ELAVL2: variants seen among roughly 807,000 people sequenced by gnomAD.
The protein encoded by ELAVL2 is ELAV like RNA binding protein 2.
A neutral mutation model predicts 34.6 loss-of-function variants in ELAVL2; 4 were observed. The ratio of observed to expected loss-of-function variants is 0.12; its 90% CI spans 0.06 to 0.26. The LOEUF (loss-of-function observed/expected upper bound fraction) is 0.26, where lower values mean the gene tolerates loss of function less well. Among genes scored for constraint, ELAVL2 ranks in the 10% least tolerant of loss-of-function variants. The probability of loss-of-function intolerance (pLI) is 1.00; values close to 1 mark genes in which losing one functional copy is unlikely to be tolerated. For missense variants in ELAVL2, 432 were observed against 442.8 expected (o/e 0.98, Z 0.22); for synonymous variants, 193 against 154.8 (o/e 1.25, Z -1.83).
intron 1 of ELAVL2, among the ~76,000 whole-genome samples, chr9:23,801,526 A>G (rs757684950): frequency 8.5e-5 from 13 of 152,198 alleles, no homozygotes; most frequent in Non-Finnish European, 1.0e-4. Flanking sequence ...CAGAAATCCC[A>G]GAGTATCAAT....
chr9:23,764,378 G>T (rs951198958), intron 1 of ELAVL2, among the ~76,000 whole-genome samples: 21 of 152,182 alleles, frequency 1.4e-4, no homozygotes, highest in Non-Finnish European at 3.1e-4. Context: ...TGGCAAGAAT[G>T]AGCTCCTAAG....
At chr9:23,766,614 C>A (rs2056310664) in intron 1 of ELAVL2, among the ~76,000 whole-genome samples, 1 of 152,132 alleles carries the variant, frequency 6.6e-6, no homozygotes, top group African/African-American at 2.4e-5. Context: ...ATTGCACCAA[C>A]TAGATAGGAA....
intron 3 of ELAVL2, among the ~76,000 whole-genome samples, chr9:23,714,436 G>A (rs556972303): frequency 6.6e-6 from 1 of 152,314 alleles, no homozygotes; most frequent in South Asian, 2.1e-4. Flanking sequence ...GCAGATGAGT[G>A]TGCTGGGAAG....
At chr9:23,714,675 T>C (rs2041853326) in intron 3 of ELAVL2, among the ~76,000 whole-genome samples, 1 of 152,178 alleles carries the variant, frequency 6.6e-6, no homozygotes, top group Non-Finnish European at 1.5e-5. Flanking sequence ...TAGACAGTAG[T>C]AGAAATATAA....
chr9:23,848,921 C>G, the ELAVL2 span, among the ~76,000 whole-genome samples: 2 of 152,188 alleles, frequency 1.3e-5, no homozygotes, highest in African/African-American at 4.8e-5. Context: ...CATCCCAGTT[C>G]TCTCCATGGC....
At chr9:23,758,914 A>G (rs532587104) in intron 2 of ELAVL2, among the ~76,000 whole-genome samples, 147 of 152,188 alleles carry the variant, frequency 9.7e-4, no homozygotes, top group African/African-American at 3.3e-3. Context: ...CTAGTATCTC[A>G]CCAAATGAAG....
At chr9:23,696,429 T>C (rs143516313) in intron 5 of ELAVL2, among the ~76,000 whole-genome samples, 1 of 152,146 alleles carries the variant, frequency 6.6e-6, no homozygotes, top group Non-Finnish European at 1.5e-5. Context: ...CCTAGAAATA[T>C]GTCTGCTGGG....
intron 3 of ELAVL2, among the ~76,000 whole-genome samples, chr9:23,713,322 A>G (rs2041487729): frequency 1.3e-5 from 2 of 152,186 alleles, no homozygotes; most frequent in African/African-American, 4.8e-5. Flanking sequence ...AAAACAATTG[A>G]GCAATGGTAG....
intron 1 of ELAVL2, among the ~76,000 whole-genome samples, chr9:23,822,225 C>A (rs1465918662): frequency 6.6e-6 from 1 of 152,050 alleles, no homozygotes; most frequent in Non-Finnish European, 1.5e-5. Context: ...ATATGTGTGT[C>A]TCTTTTAAAA....
At chr9:23,785,867 T>G (rs1371642102) in intron 1 of ELAVL2, among the ~76,000 whole-genome samples, 2 of 152,258 alleles carry the variant, frequency 1.3e-5, no homozygotes, top group East Asian at 3.9e-4. Context: ...AAATAAAGTA[T>G]CTCAACTTTT....
At chr9:23,821,422 G>A (rs924797404) in intron 1 of ELAVL2, 2 of 152,204 alleles carry the variant, frequency 1.3e-5, no homozygotes, top group Admixed American at 6.5e-5. Flanking sequence ...TGAGCTCTAG[G>A]AACTTCGCGG....
At chr9:23,733,405 T>G (rs1427997281) in intron 2 of ELAVL2, among the ~76,000 whole-genome samples, 1 of 152,160 alleles carries the variant, frequency 6.6e-6, no homozygotes, top group Admixed American at 6.5e-5. Flanking sequence ...ACTAGCTTTT[T>G]AAAATCCTGG....
intron 3 of ELAVL2, among the ~76,000 whole-genome samples, chr9:23,712,570 T>C (rs1241579782): frequency 6.6e-6 from 1 of 152,084 alleles, no homozygotes; most frequent in African/African-American, 2.4e-5. Flanking sequence ...AAAATCAAAC[T>C]AAGAATCCTG....
chr9:23,789,926 A>C (rs2137165426), intron 1 of ELAVL2, among the ~76,000 whole-genome samples: 1 of 152,298 alleles, frequency 6.6e-6, no homozygotes, highest in Middle Eastern at 3.4e-3. Flanking sequence ...TACAGGTAGG[A>C]CACTCAGAGG....
Position 23,762,757 on chromosome 9 carries a change from C to T in ELAVL2, c.-15-508G>A, listed in dbSNP as rs189948256. ...ACTTAAAAATCAAAGAGCAAGAGTA[C>T]TTTTAAAAATATAAATTTGTCAACA... On this transcript the variant is annotated intron_variant, in intron 1 of 6. Transcript: ENST00000397312. 2.5e-3 allele frequency among the ~76,000 whole-genome samples: 375 copies of T among 152,122 alleles called. 3 individuals carry two copies. Among genetic ancestry groups the T allele is most frequent in the African/African-American group, 8.7e-3 (360 of 41,532 alleles).
chr9:23,775,455 G>C (rs13283273), intron 1 of ELAVL2, among the ~76,000 whole-genome samples: 4,575 of 152,258 alleles, frequency 0.03, 85 homozygotes, highest in East Asian at 0.071. Flanking sequence ...GTTCACACAA[G>C]TATTAAGTGA....
At chr9:23,845,241 A>T in the ELAVL2 span, among the ~76,000 whole-genome samples, 10 of 151,804 alleles carry the variant, frequency 6.6e-5, no homozygotes, top group African/African-American at 1.9e-4. Context: ...TTTTATATGT[A>T]TAATTACATA....
chr9:23,833,060 C>A, the ELAVL2 span, among the ~76,000 whole-genome samples: 4 of 151,586 alleles, frequency 2.6e-5, no homozygotes, highest in African/African-American at 9.7e-5. Flanking sequence ...GAGGTGTTTG[C>A]GTTTTTTTTA....
At chr9:23,710,168 T>C (rs1323286688) in intron 3 of ELAVL2, among the ~76,000 whole-genome samples, 1 of 152,212 alleles carries the variant, frequency 6.6e-6, no homozygotes, top group East Asian at 1.9e-4. Flanking sequence ...TGAAATATAG[T>C]GTATTACTTG....
Sources: allele counts gnomAD v4.1 joint callset (sites outside exome capture counted in the v4.1 genomes callset), GRCh38; gene constraint gnomAD v4.1.1; transcripts MANE v1.5; gene names NCBI Gene and HGNC (gene_info 2026-07-23, HGNC 2026-07-21).